Variants in CERKL observed in about 807,000 individuals in gnomAD.
CERKL encodes CERK like autophagy regulator.
A neutral mutation model predicts 63.4 loss-of-function variants in CERKL; 61 were observed. That is an observed-to-expected ratio of 0.96 (90% confidence interval 0.78 to 1.19). The LOEUF is 1.19. Ranked by LOEUF, CERKL falls within the 50% of genes most tolerant of loss-of-function variation. The pLI is 0.00. For synonymous variants in CERKL, 250 were observed against 230.5 expected (o/e 1.08, Z -0.77); for missense variants, 675 against 655.5 (o/e 1.03, Z -0.33).
chr2:181,617,823 T>C (rs1421516921), intron 1 of CERKL, among the ~76,000 whole-genome samples: 1 of 152,240 alleles, frequency 6.6e-6, no homozygotes, highest in African/African-American at 2.4e-5. Flanking sequence ...TAGCACTTGA[T>C]AAGTTTTGCT....
rs1559064052 is a variant in CERKL, at chr2:181,537,561, C to A, written c.*623G>T. The A allele has an allele frequency of 2.3e-6, 1 of 438,156 alleles. No homozygotes were observed. The highest frequency in any genetic ancestry group is 7.1e-5 in the East Asian group (1 of 14,184). 27.1% of individuals were successfully genotyped at this position (438,156 alleles called of 1,614,324 possible). On this transcript the variant is annotated 3_prime_UTR_variant, in exon 13 of 13. Coordinates refer to ENST00000410087, the MANE Select transcript of CERKL (RefSeq NM_201548.5). ...TGCTCTGGATTAGGGAGCAGTGAAT[C>A]AAGGCAGACTTATGAAATCTGTATT...
chr2:181,592,439 CA>C (rs1464090981), intron 2 of CERKL, among the ~76,000 whole-genome samples: 1 of 152,144 alleles, frequency 6.6e-6, no homozygotes, highest in Non-Finnish European at 1.5e-5. Flanking sequence ...ACACAGATTA[CA>C]TAAGTATTAA....
chr2:181,631,773 A>G (rs945662869), intron 1 of CERKL, among the ~76,000 whole-genome samples: 26 of 152,188 alleles, frequency 1.7e-4, no homozygotes, highest in Non-Finnish European at 7.3e-5. Flanking sequence ...GCTCTCGAGT[A>G]TGGAAAGGGG....
intron 1 of CERKL, among the ~76,000 whole-genome samples, chr2:181,651,310 AG>A (rs1687928053): frequency 1.3e-5 from 2 of 152,224 alleles, no homozygotes; most frequent in South Asian, 4.1e-4. Context: ...CACATTAGAA[AG>A]ATAACTTGCT....
chr2:181,548,956 C>G, intron 6 of CERKL, 99 bp from the exon 7 acceptor site: 1 of 1,039,346 alleles, frequency 9.6e-7, no homozygotes. Context: ...AGGAGAATAT[C>G]TAAAGGTACT....
rs6433924 is a variant in CERKL, at chr2:181,604,128, A to G, written c.239-49T>C. 0.11 allele frequency: 158,285 copies of G among 1,475,184 alleles called. 17,411 individuals are homozygous for G. Among genetic ancestry groups the G allele is most frequent in the African/African-American group, 0.57 (39,527 of 68,888 alleles). The allele number at this position is 1,475,184 out of a possible 1,614,324, so 91.4% of individuals were successfully genotyped here. A position where few individuals can be genotyped will look rare whatever the true frequency, so the allele number is the denominator to read the frequency against. ...ATTAAAACCATTGTGTTTCATAGAG[A>G]GGAACAACAGACACTGGGGCTTACC... On this transcript the variant is annotated intron_variant, in intron 1 of 12. Coordinates refer to ENST00000410087, the MANE Select transcript of CERKL (RefSeq NM_201548.5).
At chr2:181,577,463 G>A (rs1239974147) in intron 2 of CERKL, among the ~76,000 whole-genome samples, 1 of 150,014 alleles carries the variant, frequency 6.7e-6, no homozygotes, top group African/African-American at 2.5e-5. Flanking sequence ...GGTATGAAAT[G>A]TATGGCAGAG....
chr2:181,593,304 C>T (rs879062870), intron 2 of CERKL, among the ~76,000 whole-genome samples: 2 of 152,082 alleles, frequency 1.3e-5, no homozygotes, highest in South Asian at 4.1e-4. Context: ...TGCTATCTAG[C>T]GTGATCATCC....
chr2:181,544,011 G>C (rs929998630), intron 11 of CERKL, among the ~76,000 whole-genome samples: 1 of 142,598 alleles, frequency 7.0e-6, no homozygotes, highest in African/African-American at 2.5e-5. Flanking sequence ...GAAAGAAAAA[G>C]AAAAAGTGTG....
intron 1 of CERKL, among the ~76,000 whole-genome samples, chr2:181,640,793 A>G (rs1318652165): frequency 6.6e-6 from 1 of 152,122 alleles, no homozygotes; most frequent in Non-Finnish European, 1.5e-5. Flanking sequence ...GGACAACCCC[A>G]TCTGGATTGC....
At chr2:181,557,042 C>CA (rs1273224932) in intron 5 of CERKL, among the ~76,000 whole-genome samples, 11 of 152,166 alleles carry the variant, frequency 7.2e-5, no homozygotes, top group African/African-American at 2.7e-4. Context: ...TAAATGTCTT[C>CA]TTTTGAGAAG....
intron 2 of CERKL, among the ~76,000 whole-genome samples, chr2:181,590,282 C>G (rs1684938352): frequency 6.6e-6 from 1 of 152,014 alleles, no homozygotes; most frequent in African/African-American, 2.4e-5. Context: ...GGATCACAAG[C>G]ATGTGCCACC....
At chr2:181,566,189 T>C (rs2105833647) in intron 3 of CERKL, 68 bp from the exon 4 acceptor site, 2 of 1,168,894 alleles carry the variant, frequency 1.7e-6, no homozygotes, top group South Asian at 2.5e-5. Flanking sequence ...TTTTAACTTG[T>C]TCTGGCAAAA....
intron 1 of CERKL, among the ~76,000 whole-genome samples, chr2:181,637,692 T>C (rs1489491981): frequency 6.6e-6 from 1 of 152,154 alleles, no homozygotes; most frequent in South Asian, 2.1e-4. Context: ...TCCTAGAATA[T>C]AGTTTGTTTA....
At position 181,579,028 on chromosome 2, in the gene CERKL, T is replaced by C. The variant is rs532501351; in HGVS notation, c.482-5144A>G. ...CAGAGTTGCGACCAAAAGTGGACAC[T>C]TGAGAAAAAGGAAATGGTCTCAAAT... On this transcript the variant is annotated intron_variant, in intron 2 of 12. Coordinates refer to ENST00000410087, the MANE Select transcript of CERKL (RefSeq NM_201548.5). Among the ~76,000 whole-genome samples, 17 of 152,106 alleles carry C rather than the reference T, an allele frequency of 1.1e-4. 1 individual carries two copies. Among genetic ancestry groups the C allele is most frequent in the African/African-American group, 4.1e-4 (17 of 41,398 alleles).
intron 1 of CERKL, among the ~76,000 whole-genome samples, chr2:181,650,848 A>G (rs1687901512): frequency 6.6e-6 from 1 of 152,248 alleles, no homozygotes; most frequent in Admixed American, 6.5e-5. Flanking sequence ...CAGAGGAGAA[A>G]TAAATGAAAT....
At chr2:181,567,914 G>C (rs1481064923) in intron 3 of CERKL, among the ~76,000 whole-genome samples, 1 of 152,082 alleles carries the variant, frequency 6.6e-6, no homozygotes, top group Non-Finnish European at 1.5e-5. Context: ...AACAAACAAA[G>C]AAAGGATTGC....
intron 2 of CERKL, chr2:181,603,610 A>T (rs1685547280): frequency 1.1e-5 from 6 of 533,970 alleles, no homozygotes; most frequent in Non-Finnish European, 2.0e-5. Context: ...TATGAAAATC[A>T]ATTAATATAA....
At chr2:181,608,649 C>T (rs1299752112) in intron 1 of CERKL, among the ~76,000 whole-genome samples, 1 of 151,944 alleles carries the variant, frequency 6.6e-6, no homozygotes, top group African/African-American at 2.4e-5. Flanking sequence ...TACTGAAATC[C>T]AGAAGGATTT....
Sources: allele counts gnomAD v4.1 joint callset (sites outside exome capture counted in the v4.1 genomes callset), GRCh38; gene constraint gnomAD v4.1.1; transcripts MANE v1.5; gene names NCBI Gene and HGNC (gene_info 2026-07-23, HGNC 2026-07-21).